PPFIA1: variants seen among roughly 807,000 people sequenced by gnomAD.
PPFIA1 encodes the protein liprin-alpha-1.
In PPFIA1, 25 loss-of-function variants were observed where a neutral mutation model predicts 149.9. The observed-to-expected ratio is 0.17, with a 90% CI of 0.12 to 0.23. The LOEUF (loss-of-function observed/expected upper bound fraction) is 0.23, where lower values mean the gene tolerates loss of function less well. Among genes scored for constraint, PPFIA1 ranks in the 10% least tolerant of loss-of-function variants. The probability of loss-of-function intolerance (pLI) is 1.00; values close to 1 mark genes in which losing one functional copy is unlikely to be tolerated. For missense variants in PPFIA1, 1,362 were observed against 1,506.5 expected (o/e 0.90, Z 1.59); for synonymous variants, 549 against 552.8 (o/e 0.99, Z 0.10).
intron 2 of PPFIA1, among the ~76,000 whole-genome samples, chr11:70,277,005 T>C (rs1162767642): frequency 9.0e-6 from 1 of 110,790 alleles, no homozygotes; most frequent in Non-Finnish European, 1.9e-5. Flanking sequence ...AATTTCTACT[T>C]TTTTTTTTTT....
chr11:70,280,660 A>G (rs904911517), intron 2 of PPFIA1, among the ~76,000 whole-genome samples: 4 of 152,146 alleles, frequency 2.6e-5, no homozygotes, highest in Non-Finnish European at 4.4e-5. Flanking sequence ...CTCAAACTCC[A>G]GGGCTCAAGC....
intron 19 of PPFIA1, 112 bp downstream of exon 19, chr11:70,356,366 G>A (rs1457575892): frequency 1.3e-6 from 1 of 797,572 alleles, no homozygotes; most frequent in Non-Finnish European, 2.0e-6. Flanking sequence ...ATTATATTCT[G>A]AAAGCTTTAC....
In PPFIA1 at chr11:70,335,559, T is replaced by G. The variant is rs1185998073; in HGVS notation, c.1297-4T>G. On this transcript the variant is annotated splice_polypyrimidine_tract_variant and splice_region_variant and intron_variant, in intron 10 of 27. Transcript: ENST00000253925. ...TTTATAAGACTTTGTTTCTCCTGCT[T>G]TAGGCAAGGCAAAGAGAAAAAATGA... The G allele has an allele frequency of 6.2e-7, 1 of 1,613,402 alleles. No individual in the cohort carries two copies.
intron 2 of PPFIA1, among the ~76,000 whole-genome samples, chr11:70,306,145 A>G (rs1406771442): frequency 6.6e-6 from 1 of 152,204 alleles, no homozygotes; most frequent in Admixed American, 6.5e-5. Context: ...GGAGTAAAAC[A>G]TGCACGCACA....
chr11:70,275,119 A>C (rs559012029), intron 2 of PPFIA1, among the ~76,000 whole-genome samples: 23 of 152,246 alleles, frequency 1.5e-4, no homozygotes, highest in Non-Finnish European at 2.9e-4. Context: ...TTGGGTCTTT[A>C]CATTTTAGCT....
At chr11:70,284,854 G>T (rs1043543581) in intron 2 of PPFIA1, among the ~76,000 whole-genome samples, 3 of 152,136 alleles carry the variant, frequency 2.0e-5, no homozygotes, top group Non-Finnish European at 4.4e-5. Context: ...TGGTAAGGTT[G>T]GCTAGGTAGG....
chr11:70,337,148 A>C (rs2055029133), intron 11 of PPFIA1, among the ~76,000 whole-genome samples: 1 of 152,204 alleles, frequency 6.6e-6, no homozygotes, highest in Non-Finnish European at 1.5e-5. Context: ...TACCTTTAGG[A>C]AGTTCAGTTG....
intron 2 of PPFIA1, among the ~76,000 whole-genome samples, chr11:70,273,424 C>T (rs1413605970): frequency 2.6e-5 from 4 of 151,948 alleles, no homozygotes; most frequent in Non-Finnish European, 5.9e-5. Context: ...GTGAGTGGCA[C>T]GGGGCATAGT....
chr11:70,355,192 C>T (rs1339950009), intron 17 of PPFIA1, among the ~76,000 whole-genome samples: 3 of 152,192 alleles, frequency 2.0e-5, no homozygotes, highest in African/African-American at 4.8e-5. Flanking sequence ...CGTGAGCCAC[C>T]GCGCCCGGCC....
intron 2 of PPFIA1, among the ~76,000 whole-genome samples, chr11:70,310,344 G>A (rs550266840): frequency 6.6e-6 from 1 of 150,708 alleles, no homozygotes; most frequent in South Asian, 2.1e-4. Flanking sequence ...TAAGCCAGAA[G>A]TTAAGAGAGA....
chr11:70,312,477 C>T (rs190221509), intron 2 of PPFIA1, among the ~76,000 whole-genome samples: 129 of 152,244 alleles, frequency 8.5e-4, no homozygotes, highest in Non-Finnish European at 4.1e-4. Context: ...AGGCAGGAGC[C>T]GCTATGCCTA....
chr11:70,384,284 T>A lies in PPFIA1; in HGVS notation c.*1294T>A, dbSNP rs907976106. On this transcript the variant is annotated 3_prime_UTR_variant, in exon 28 of 28. Coordinates refer to ENST00000253925, the MANE Select transcript of PPFIA1 (RefSeq NM_003626.5). ...GTTCTGTTTTTCTATTAATCTTTTG[T>A]CAACTTCCTGATTATGTAACAAAGT... 6.5e-6 allele frequency: 1 copy of A among 152,688 alleles called. No homozygotes were observed. The highest frequency in any genetic ancestry group is 3.2e-3 in the Middle Eastern group (1 of 316). 9.5% of individuals were successfully genotyped at this position (152,688 alleles called of 1,614,324 possible).
chr11:70,335,218 G>A (rs1378465516), intron 10 of PPFIA1, among the ~76,000 whole-genome samples: 1 of 152,104 alleles, frequency 6.6e-6, no homozygotes, highest in African/African-American at 2.4e-5. Flanking sequence ...TACACAAGGG[G>A]AAATTCCTCT....
At chr11:70,359,934 C>T (rs1217562319) in intron 19 of PPFIA1, among the ~76,000 whole-genome samples, 1 of 152,256 alleles carries the variant, frequency 6.6e-6, no homozygotes, top group Non-Finnish European at 1.5e-5. Context: ...CAGGGGCCTT[C>T]TTCCCGTGAT....
intron 21 of PPFIA1, among the ~76,000 whole-genome samples, chr11:70,369,744 A>C (rs2135345535): frequency 6.6e-6 from 1 of 152,328 alleles, no homozygotes; most frequent in South Asian, 2.1e-4. Flanking sequence ...AATTGTTCAC[A>C]GTATTCCCTT....
chr11:70,334,905 C>T (rs1468157069), intron 10 of PPFIA1, among the ~76,000 whole-genome samples: 1 of 152,202 alleles, frequency 6.6e-6, no homozygotes, highest in African/African-American at 2.4e-5. Context: ...CCTACTGACA[C>T]TTCCTGTCCC....
intron 21 of PPFIA1, chr11:70,362,866 G>A: frequency 6.0e-6 from 1 of 165,750 alleles, no homozygotes; most frequent in Admixed American, 5.7e-5. Flanking sequence ...GCTCCAAGCA[G>A]TCCTCCCACC....
At position 70,343,683 on chromosome 11, in the gene PPFIA1, T is replaced by G. The variant is rs201379301; in HGVS notation, c.1722T>G (p.Asn574Lys). ...CTTGTTTATAGGTACAAACTCTTAATGAGCAGGATTGGGAACGTGCCCAGC... is the reference window on the plus strand; with the variant it reads ...CTTGTTTATAGGTACAAACTCTTAAGGAGCAGGATTGGGAACGTGCCCAGC... The part of the protein sequence containing the change: ...RDEPSKVQTL[N>K]EQDWERAQQA... Residue 574 changes from asparagine to lysine, a missense_variant, in exon 15 of 28, where the codon AAT becomes AAG. By Grantham distance (94) the Asn-to-Lys change is moderately conservative. Around this residue, in one of 7 missense-constraint regions of PPFIA1, gnomAD observed 733 missense variants for 744.1 expected, o/e 0.99. Coordinates refer to ENST00000253925, the MANE Select transcript of PPFIA1 (RefSeq NM_003626.5). 201 of 1,614,190 alleles carry G rather than the reference T, an allele frequency of 1.2e-4. No individual in the cohort carries two copies. The highest frequency in any genetic ancestry group is 1.3e-4 in the Non-Finnish European group (157 of 1,179,998).
chr11:70,326,194 T>G (rs1045731670), intron 5 of PPFIA1, 68 bp from the exon 6 acceptor site: 3 of 915,276 alleles, frequency 3.3e-6, no homozygotes, highest in Non-Finnish European at 5.0e-6. Context: ...CCAAAAGGAG[T>G]TTTGCTATCT....
Sources: gnomAD v4.1 joint callset for allele counts (sites outside exome capture counted in the v4.1 genomes callset) on GRCh38, gnomAD v4.1.1 for gene constraint, gnomAD v4.1.1 regional missense constraint, MANE v1.5 for transcripts, NCBI Gene and HGNC (gene_info 2026-07-23, HGNC 2026-07-21) for gene names.